The following MROH1 variants were observed in gnomAD, a reference collection of about 807,000 sequenced individuals.
The protein encoded by MROH1 is maestro heat like repeat family member 1.
Under a neutral mutation model 116.5 loss-of-function variants are expected in MROH1, and 117 were observed. That is an observed-to-expected ratio of 1.00 (90% CI 0.86 to 1.17). The LOEUF (loss-of-function observed/expected upper bound fraction) is 1.17, where lower values mean the gene tolerates loss of function less well. Among genes scored for constraint, MROH1 ranks in the 50% most tolerant of loss-of-function variants. The pLI, the probability that MROH1 is intolerant of heterozygous loss-of-function variation, is 0.00. For missense variants in MROH1, 1,873 were observed against 1,338.5 expected, an observed-to-expected ratio of 1.40 and a Z score of -6.23; for synonymous variants, 921 against 583.9, an observed-to-expected ratio of 1.58 and a Z score of -8.32.
At chr8:144,253,539 C>T (rs1379221428) in intron 33 of MROH1, among the ~76,000 whole-genome samples, 2 of 152,208 alleles carry the variant, frequency 1.3e-5, no homozygotes, top group Admixed American at 1.3e-4. Flanking sequence ...CTCCTGGCGC[C>T]TCAGCGACGG....
chr8:144,217,813 T>C (rs1168218902), intron 12 of MROH1, among the ~76,000 whole-genome samples: 1 of 152,188 alleles, frequency 6.6e-6, no homozygotes, highest in Non-Finnish European at 1.5e-5. Flanking sequence ...TTGCTGCTAT[T>C]GTGTGAGTCC....
chr8:144,239,082 T>C lies in MROH1; in HGVS notation c.1494T>C (p.Thr498=). The change falls in exon 16 of 44, where the codon ACT becomes ACC. Residue 498 remains threonine, a synonymous_variant. Transcript: ENST00000326134. ...AGTTCCTCACCCCTGTGCGCTTCAC[T>C]GGGGCCCTGACTCCGCTCTGCAGGA... ...LLQFLTPVRF[T]GALTPLCRSL... 1 of 777,586 alleles carries C rather than the reference T, an allele frequency of 1.3e-6. No individual in the cohort carries two copies. Among genetic ancestry groups the C allele is most frequent in the Non-Finnish European group, 2.4e-6 (1 of 417,770 alleles). The allele number at this position is 777,586 out of a possible 1,614,324, so 48.2% of individuals were successfully genotyped here.
chr8:144,211,824 C>G (rs1834166313), intron 12 of MROH1, among the ~76,000 whole-genome samples: 1 of 152,108 alleles, frequency 6.6e-6, no homozygotes, highest in South Asian at 2.1e-4. Context: ...TTCCTATCAC[C>G]CTCCAGAGGT....
Position 144,232,358 on chromosome 8 carries a change from AT to A in MROH1, c.1339-6394del, listed in dbSNP as rs200105112. Among the ~76,000 whole-genome samples, 1,426 of 152,040 alleles carry A rather than the reference AT, an allele frequency of 9.4e-3. 13 individuals carry two copies. The highest frequency in any genetic ancestry group is 0.032 in the African/African-American group (1,314 of 41,456). On this transcript the variant is annotated intron_variant, in intron 14 of 43. Coordinates refer to ENST00000326134, the MANE Select transcript of MROH1 (RefSeq NM_032450.3). ...CTAGTTTTCTGAGACTTTATTATGG[AT>A]TTTATGGATTGATGTCAAAATTGAA...
chr8:144,257,810 C>T (rs1300850388), intron 35 of MROH1, among the ~76,000 whole-genome samples: 2 of 152,254 alleles, frequency 1.3e-5, no homozygotes, highest in Non-Finnish European at 2.9e-5. Flanking sequence ...GGGTTGTCTG[C>T]TTTTGGGCCA....
chr8:144,206,324 G>A (rs991911585), intron 12 of MROH1, among the ~76,000 whole-genome samples: 4 of 152,162 alleles, frequency 2.6e-5, no homozygotes, highest in African/African-American at 4.8e-5. Context: ...CGGTGCTGCT[G>A]TCAGTGCACT....
At chr8:144,192,907 G>A in intron 10 of MROH1, 1 of 309,468 alleles carries the variant, frequency 3.2e-6, no homozygotes, top group South Asian at 2.6e-5. Context: ...GCAGGTGCCG[G>A]GTCACCCGTG....
rs576775451 is a variant in MROH1 at position 144,163,252 on chromosome 8, G to A, written c.-56-519G>A. Among the ~76,000 whole-genome samples, 4 of 152,310 alleles carry A rather than the reference G, an allele frequency of 2.6e-5. No individual in the cohort carries two copies. The highest frequency in any genetic ancestry group is 7.2e-5 in the African/African-American group (3 of 41,560). On this transcript the variant is annotated intron_variant, in intron 2 of 43. Transcript: ENST00000326134. The surrounding 1 kb of genome is among the most constrained non-coding windows in gnomAD (Gnocchi z 4.4). ...TGGCTGCCATGCTTATGGTGGGCCTGCAGCCCCTCTGATGACGTAGGTCCT... is the reference window on the plus strand; with the variant it reads ...TGGCTGCCATGCTTATGGTGGGCCTACAGCCCCTCTGATGACGTAGGTCCT...
intron 4 of MROH1, among the ~76,000 whole-genome samples, chr8:144,178,035 C>T (rs1824498433): frequency 6.6e-6 from 1 of 150,902 alleles, no homozygotes; most frequent in Admixed American, 6.6e-5. Flanking sequence ...TCTCGGCTCA[C>T]TGCAACCTCC....
At chr8:144,156,129 C>T (rs1818000707) in intron 1 of MROH1, among the ~76,000 whole-genome samples, 1 of 151,062 alleles carries the variant, frequency 6.6e-6, no homozygotes, top group African/African-American at 2.4e-5. Context: ...CCCAGCTACT[C>T]TGGAGGCTGA....
At chr8:144,174,158 A>G (rs939506954) in intron 4 of MROH1, among the ~76,000 whole-genome samples, 3 of 152,172 alleles carry the variant, frequency 2.0e-5, no homozygotes, top group Non-Finnish European at 4.4e-5. Context: ...TGGTATAGAA[A>G]GCCAATTAGA....
intron 10 of MROH1, among the ~76,000 whole-genome samples, chr8:144,197,798 G>A (rs1250662127): frequency 6.7e-6 from 1 of 149,772 alleles, no homozygotes; most frequent in Non-Finnish European, 1.5e-5. Context: ...AGCACACCGG[G>A]GGCGGTGACT....
intron 38 of MROH1, 30 bp from the exon 39 acceptor site, chr8:144,260,156 G>A (rs1554834992): frequency 1.3e-6 from 1 of 763,286 alleles, no homozygotes; most frequent in African/African-American, 1.7e-5. Context: ...GGTGACTCTG[G>A]GACCCAGGCT....
In MROH1 at chr8:144,180,287, C is replaced by A. The variant is rs537393594; in HGVS notation, c.410C>A (p.Thr137Asn). ...CTGCTGCGCAGGCTGCACCCTGGGA[C>A]CCTGCCACACTGCGCCGTGCTGCAC... Reference protein sequence around the residue: ...EELLRRLHPGTLPHCAVLHTL... With the variant: ...EELLRRLHPGNLPHCAVLHTL... The change falls in exon 6 of 44, where the codon ACC (threonine) becomes AAC (asparagine). Residue 137 changes from threonine to asparagine, a missense_variant. Thr to Asn is a moderately conservative substitution (Grantham distance 65, BLOSUM62 0). Transcript: ENST00000326134. The surrounding 1 kb of genome is among the most constrained non-coding windows in gnomAD (Gnocchi z 7.4). 6 of 1,609,248 alleles carry A rather than the reference C, an allele frequency of 3.7e-6. No homozygotes were observed. In the South Asian group the frequency reaches 6.6e-5, roughly 18 times the overall value.
chr8:144,244,853 C>T (rs1206899401), intron 28 of MROH1, among the ~76,000 whole-genome samples: 1 of 152,188 alleles, frequency 6.6e-6, no homozygotes, highest in Non-Finnish European at 1.5e-5. Context: ...GTGGGGCCGA[C>T]CCCCATGCTC....
chr8:144,150,533 G>A (rs1294503711), intron 1 of MROH1, among the ~76,000 whole-genome samples: 2 of 152,218 alleles, frequency 1.3e-5, no homozygotes, highest in African/African-American at 4.8e-5. Context: ...GCACCGAGTA[G>A]CCCCTGTCCT....
At chr8:144,155,965 G>A (rs934161621) in intron 1 of MROH1, among the ~76,000 whole-genome samples, 1 of 151,796 alleles carries the variant, frequency 6.6e-6, no homozygotes, top group East Asian at 2.0e-4. Flanking sequence ...GAGGCCGGGC[G>A]CGGTGGCTCA....
At chr8:144,235,240 G>T (rs924474049) in intron 14 of MROH1, among the ~76,000 whole-genome samples, 9 of 152,154 alleles carry the variant, frequency 5.9e-5, no homozygotes, top group African/African-American at 2.2e-4. Flanking sequence ...CAACCTTGTT[G>T]AACTTGCTTA....
chr8:144,152,673 A>G (rs1057142384), intron 1 of MROH1, among the ~76,000 whole-genome samples: 1 of 151,836 alleles, frequency 6.6e-6, no homozygotes, highest in Admixed American at 6.6e-5. Flanking sequence ...CAGCCTCCCG[A>G]GTAGCTGGGA....
Sources: allele counts gnomAD v4.1 joint callset (sites outside exome capture counted in the v4.1 genomes callset), GRCh38; gene constraint gnomAD v4.1.1; non-coding constraint Gnocchi (gnomAD v3.1); transcripts MANE v1.5; gene names NCBI Gene and HGNC (gene_info 2026-07-23, HGNC 2026-07-21).